The following TOLLIP variants were observed in gnomAD, a reference collection of about 807,000 sequenced individuals.
TOLLIP encodes toll interacting protein.
A neutral mutation model predicts 33.5 loss-of-function variants in TOLLIP; 16 were observed. That is an observed-to-expected ratio of 0.48 (90% confidence interval 0.32 to 0.72). TOLLIP has a LOEUF of 0.72. Ranked by LOEUF, TOLLIP falls within the 30% of genes least tolerant of loss-of-function variation. The pLI is 0.03. For missense variants in TOLLIP, 325 were observed against 396.6 expected (o/e 0.82, Z 1.53); for synonymous variants, 176 against 163.7 (o/e 1.07, Z -0.57).
intron 5 of TOLLIP, among the ~76,000 whole-genome samples, chr11:1,283,788 AC>A (rs1425749565): frequency 6.6e-6 from 1 of 152,138 alleles, no homozygotes; most frequent in African/African-American, 2.4e-5. Flanking sequence ...ATGGAACTGC[AC>A]CCCCCAAAAA....
rs527724006 is a variant in TOLLIP, at chr11:1,287,082, C to T, written c.520-990G>A. On this transcript the variant is annotated intron_variant, in intron 4 of 5. Coordinates refer to ENST00000317204, the MANE Select transcript of TOLLIP (RefSeq NM_019009.4). ...GTCAGCTGCGGATAAGTCACTGCAC[C>T]GCTGCCGTCTCTGAGTTCAAAACTG... 2.5e-4 allele frequency among the ~76,000 whole-genome samples: 38 copies of T among 150,912 alleles called. 1 individual carries two copies. The highest frequency in any genetic ancestry group is 7.6e-4 in the African/African-American group (31 of 41,036).
At position 1,288,537 on chromosome 11, in the gene TOLLIP, G is replaced by C. The variant is rs567836682; in HGVS notation, c.519+87C>G. 9.6e-6 allele frequency: 14 copies of C among 1,454,418 alleles called. No individual in the cohort carries two copies. In the South Asian group the frequency reaches 1.5e-4, roughly 16 times the overall value. 90.1% of individuals were successfully genotyped at this position (1,454,418 alleles called of 1,614,324 possible). On this transcript the variant is annotated intron_variant, in intron 4 of 5. Coordinates refer to ENST00000317204, the MANE Select transcript of TOLLIP (RefSeq NM_019009.4). ...TTATGGGCTCAGTGCCTCCAGGAAA[G>C]AGACAAGGGTGTCTGTGGGGCGGCA...
chr11:1,298,770 G>A (rs538043140), intron 1 of TOLLIP, among the ~76,000 whole-genome samples: 4 of 152,330 alleles, frequency 2.6e-5, no homozygotes, highest in Admixed American at 6.5e-5. Context: ...GCCATGTGGC[G>A]GGGCAGGTGC....
chr11:1,291,740 TCAC>T (rs1564973511), intron 2 of TOLLIP: 6 of 143,982 alleles, frequency 4.2e-5, no homozygotes, highest in East Asian at 2.3e-4. Flanking sequence ...CGCCCCGTCC[TCAC>T]CGACCCACCT....
chr11:1,288,173 C>T (rs570680916), intron 4 of TOLLIP, among the ~76,000 whole-genome samples: 135 of 152,302 alleles, frequency 8.9e-4, no homozygotes, highest in Non-Finnish European at 1.6e-3. Context: ...GCTTCCCCGA[C>T]ATCTCCAGAG....
chr11:1,296,785 T>A (rs1369240662), intron 1 of TOLLIP, among the ~76,000 whole-genome samples: 2 of 93,878 alleles, frequency 2.1e-5, no homozygotes, highest in African/African-American at 4.6e-5. Context: ...TGGTTGCTGG[T>A]GGAGTGGGGT....
intron 4 of TOLLIP, among the ~76,000 whole-genome samples, chr11:1,287,297 C>A (rs1022737641): frequency 6.6e-6 from 1 of 152,202 alleles, no homozygotes; most frequent in Non-Finnish European, 1.5e-5. Context: ...ATTTACACAT[C>A]GTCACTCACG....
rs11042783 is a variant in TOLLIP at position 1,303,950 on chromosome 11, C to T, written c.33+5516G>A. Among the ~76,000 whole-genome samples the T allele has an allele frequency of 1.3e-5, 2 of 151,124 alleles. No individual in the cohort carries two copies. Among genetic ancestry groups the T allele is most frequent in the African/African-American group, 2.4e-5 (1 of 40,978 alleles). On this transcript the variant is annotated intron_variant, in intron 1 of 5. Coordinates refer to ENST00000317204, the MANE Select transcript of TOLLIP (RefSeq NM_019009.4). The surrounding 1 kb of genome is among the most constrained non-coding windows in gnomAD (Gnocchi z 4.2). ...ACTCGGGAGTCTGAGGCAGGAAAATCGCTTGAACCTGGGAGGAAGAGGTTG... is the reference window on the plus strand; with the variant it reads ...ACTCGGGAGTCTGAGGCAGGAAAATTGCTTGAACCTGGGAGGAAGAGGTTG...
intron 1 of TOLLIP, among the ~76,000 whole-genome samples, chr11:1,309,264 G>A (rs977053375): frequency 2.1e-4 from 32 of 152,210 alleles, no homozygotes; most frequent in African/African-American, 6.7e-4. Context: ...CAAGCCTCCT[G>A]CAGCGTGGGC....
rs547584487 is a variant in TOLLIP at position 1,300,281 on chromosome 11, T to C, written c.34-4487A>G. The stretch of plus-strand genomic sequence containing the variant: ...GAATTGCTGATTCTCCTCCCCCATG[T>C]GCCGCTCTCAGAGGATCACGACGCA... On this transcript the variant is annotated intron_variant, in intron 1 of 5. Coordinates refer to ENST00000317204, the MANE Select transcript of TOLLIP (RefSeq NM_019009.4). 3.3e-5 allele frequency among the ~76,000 whole-genome samples: 5 copies of C among 152,310 alleles called. No individual in the cohort carries two copies. The East Asian group carries it at 9.6e-4, about 29-fold the overall frequency.
rs891192605 is a variant in TOLLIP at position 1,278,208 on chromosome 11, C to T, written c.611-955G>A. Among the ~76,000 whole-genome samples the T allele has an allele frequency of 2.0e-5, 3 of 151,448 alleles. No individual in the cohort carries two copies. The highest frequency in any genetic ancestry group is 2.9e-5 in the Non-Finnish European group (2 of 68,016). ...GCGCGGGGCTCAGCGACCAGTGAGG[C>T]ACAGAGCACAGGCAGCGTGCGCGGG... is the stretch of plus-strand genomic sequence containing the variant. On this transcript the variant is annotated intron_variant, in intron 5 of 5. Transcript: ENST00000317204. This position sits in a 1 kb window ranked among gnomAD's most constrained non-coding sequence, Gnocchi z 4.7.
chr11:1,306,237 A>G (rs914248577), intron 1 of TOLLIP: 5 of 152,356 alleles, frequency 3.3e-5, no homozygotes, highest in Admixed American at 6.5e-5. Flanking sequence ...ATTCTCTCAG[A>G]ACGATGTCGG....
chr11:1,287,890 C>CCTGCTGCACCCTCTCTGCTGCACCCTCT (rs1357686118), intron 4 of TOLLIP, among the ~76,000 whole-genome samples: 1 of 136,096 alleles, frequency 7.3e-6, no homozygotes, highest in East Asian at 2.3e-4. Flanking sequence ...CTGCACCCTC[C>CCTGCTGCACCCTCTCTGCTGCACCCTCT]CTGCTGCACC....
rs1488147580 is a variant in TOLLIP, at chr11:1,288,794, G to C, written c.367-18C>G. On this transcript the variant is annotated intron_variant, in intron 3 of 5. Coordinates refer to ENST00000317204, the MANE Select transcript of TOLLIP (RefSeq NM_019009.4). Reference sequence around the variant, plus strand: ...AAGGCTCTCTGCGGGAGACAAGAGGGAGAGGCCCCAGGCATCAGGGAAGGG... The same window carrying C: ...AAGGCTCTCTGCGGGAGACAAGAGGCAGAGGCCCCAGGCATCAGGGAAGGG... The C allele has an allele frequency of 6.2e-7, 1 of 1,608,340 alleles. No individual in the cohort carries two copies. Among genetic ancestry groups the C allele is most frequent in the Non-Finnish European group, 8.5e-7 (1 of 1,177,296 alleles).
At chr11:1,299,373 C>A (rs764352104) in intron 1 of TOLLIP, among the ~76,000 whole-genome samples, 24 of 152,224 alleles carry the variant, frequency 1.6e-4, no homozygotes, top group African/African-American at 5.8e-4. Flanking sequence ...GCCCTTCAAA[C>A]GAGGAGGGAG....
chr11:1,309,598 C>A lies in TOLLIP; in HGVS notation c.-100G>T, dbSNP rs1411514173. ...CCTGCGACGGAGACAGTTGTCACCTCGAGGCCGCCGCCGCCACAGTCAGCT... is the reference window on the plus strand; with the variant it reads ...CCTGCGACGGAGACAGTTGTCACCTAGAGGCCGCCGCCGCCACAGTCAGCT... On this transcript the variant is annotated 5_prime_UTR_variant, in exon 1 of 6. Transcript: ENST00000317204. 4.1e-6 allele frequency: 2 copies of A among 485,618 alleles called. No homozygotes were observed. Among genetic ancestry groups the A allele is most frequent in the Non-Finnish European group, 6.3e-6 (2 of 316,572 alleles). 30.1% of individuals were successfully genotyped at this position (485,618 alleles called of 1,614,324 possible).
Position 1,290,165 on chromosome 11 carries a change from TC to T in TOLLIP, c.366+61del. On this transcript the variant is annotated intron_variant, in intron 3 of 5. Transcript: ENST00000317204. This position sits in a 1 kb window ranked among gnomAD's most constrained non-coding sequence, Gnocchi z 4.9. ...GAACGTGGCTGTGTTGGCAGGTGTGTCCCCACGGCAGCCACGCTCAGCCACG... is the reference window on the plus strand; with the variant it reads ...GAACGTGGCTGTGTTGGCAGGTGTGTCCCACGGCAGCCACGCTCAGCCACG... 6.5e-7 allele frequency: 1 copy of T among 1,549,880 alleles called. No individual in the cohort carries two copies.
At chr11:1,293,623 A>G (rs553994224) in intron 2 of TOLLIP, among the ~76,000 whole-genome samples, 1 of 152,350 alleles carries the variant, frequency 6.6e-6, no homozygotes, top group South Asian at 2.1e-4. Flanking sequence ...AGGCTGGGTG[A>G]GCTCACGTGG....
In TOLLIP at chr11:1,275,400, T is replaced by C. The variant is rs978049061; in HGVS notation, c.*1639A>G. ...GTTGTTAATATCACGGAACATACCA[T>C]CTAGAACGTTCCAGTCCCGCCTGAC... On this transcript the variant is annotated 3_prime_UTR_variant, in exon 6 of 6. Coordinates refer to ENST00000317204, the MANE Select transcript of TOLLIP (RefSeq NM_019009.4). 4 of 152,160 alleles carry C rather than the reference T, an allele frequency of 2.6e-5. No homozygotes were observed. The highest frequency in any genetic ancestry group is 4.8e-5 in the African/African-American group (2 of 41,418). 9.4% of individuals were successfully genotyped at this position (152,160 alleles called of 1,614,324 possible). A position where few individuals can be genotyped will look rare whatever the true frequency, so the allele number is the denominator to read the frequency against.
Sources: allele counts gnomAD v4.1 joint callset (sites outside exome capture counted in the v4.1 genomes callset), GRCh38; gene constraint gnomAD v4.1.1; non-coding constraint Gnocchi (gnomAD v3.1); transcripts MANE v1.5; gene names NCBI Gene and HGNC (gene_info 2026-07-23, HGNC 2026-07-21).